SLC15A2: variants seen among roughly 807,000 people sequenced by gnomAD.
SLC15A2 encodes solute carrier family 15 member 2.
A neutral mutation model predicts 95.5 loss-of-function variants in SLC15A2; 77 were observed. That is an observed-to-expected ratio of 0.81 (90% CI 0.67 to 0.97). The LOEUF (loss-of-function observed/expected upper bound fraction) is 0.97, where lower values mean the gene tolerates loss of function less well. Among genes scored for constraint, SLC15A2 ranks in the 50% least tolerant of loss-of-function variants. SLC15A2 has a pLI of 0.00. For missense variants in SLC15A2, 893 were observed against 874.4 expected (o/e 1.02, Z -0.27); for synonymous variants, 306 against 306.9 (o/e 1.00, Z 0.03).
chr3:121,903,164 G>C (rs1012420198), intron 3 of SLC15A2, among the ~76,000 whole-genome samples: 1 of 152,208 alleles, frequency 6.6e-6, no homozygotes, highest in Non-Finnish European at 1.5e-5. Context: ...TTTGAAAAGT[G>C]TCTGTTCATA....
At chr3:121,907,141 C>T (rs944787764) in intron 3 of SLC15A2, among the ~76,000 whole-genome samples, 1 of 152,168 alleles carries the variant, frequency 6.6e-6, no homozygotes, top group African/African-American at 2.4e-5. Context: ...TTGATTGAAT[C>T]AGCTATTGAA....
At chr3:121,901,106 C>T (rs1055543951) in intron 3 of SLC15A2, among the ~76,000 whole-genome samples, 1 of 152,016 alleles carries the variant, frequency 6.6e-6, no homozygotes, top group South Asian at 2.1e-4. Flanking sequence ...GCAACCTCTG[C>T]CTCCCAGGTC....
intron 19 of SLC15A2, among the ~76,000 whole-genome samples, chr3:121,932,209 G>A (rs1158826704): frequency 6.6e-6 from 1 of 152,022 alleles, no homozygotes; most frequent in Non-Finnish European, 1.5e-5. Flanking sequence ...TGGCTCTACA[G>A]TGACTTTAGA....
rs1559848802 is a variant in SLC15A2, at chr3:121,922,768, GC to G, written c.781-4del. The stretch of plus-strand genomic sequence containing the variant: ...GTCTCTCCCATGATGTCTACTCTCT[GC>G]CCTAGTTTGCTATTTCCAATCGTTT... On this transcript the variant is annotated splice_polypyrimidine_tract_variant and splice_region_variant and intron_variant, in intron 8 of 21. Coordinates refer to ENST00000489711, the MANE Select transcript of SLC15A2 (RefSeq NM_021082.4). 1 of 1,610,826 alleles carries G rather than the reference GC, an allele frequency of 6.2e-7. No homozygotes were observed. The highest frequency in any genetic ancestry group is 1.3e-5 in the African/African-American group (1 of 74,966).
At chr3:121,940,009 T>G (rs1247708917) in intron 20 of SLC15A2, among the ~76,000 whole-genome samples, 1 of 152,126 alleles carries the variant, frequency 6.6e-6, no homozygotes, top group African/African-American at 2.4e-5. Flanking sequence ...TTTCACCATG[T>G]TGGCCAGGCT....
rs79639971 is a variant in SLC15A2, at chr3:121,941,083, C to G, written c.*76C>G. The G allele has an allele frequency of 6.0e-6, 8 of 1,336,272 alleles. No individual in the cohort carries two copies. The highest frequency in any genetic ancestry group is 8.3e-6 in the Non-Finnish European group (8 of 966,320). 82.8% of individuals were successfully genotyped at this position (1,336,272 alleles called of 1,614,324 possible). A position where few individuals can be genotyped will look rare whatever the true frequency, so the allele number is the denominator to read the frequency against. ...ATTTTTTTTCTTCTACTGGATTAGA[C>G]AAGAGAGATAGCAGCATATCAGAGC... On this transcript the variant is annotated 3_prime_UTR_variant, in exon 22 of 22. Transcript: ENST00000489711.
At chr3:121,911,886 A>G (rs1215050730) in intron 4 of SLC15A2, among the ~76,000 whole-genome samples, 2 of 152,138 alleles carry the variant, frequency 1.3e-5, no homozygotes, top group Non-Finnish European at 2.9e-5. Flanking sequence ...TCCTCTTCAT[A>G]TGCTTGAAAA....
intron 3 of SLC15A2, among the ~76,000 whole-genome samples, chr3:121,910,778 G>A (rs1044996384): frequency 6.6e-6 from 1 of 152,180 alleles, no homozygotes; most frequent in Non-Finnish European, 1.5e-5. Context: ...AGGAATATAT[G>A]TTGTAGTGCG....
In SLC15A2 at chr3:121,941,593, T is replaced by A. The variant is rs1710465204; in HGVS notation, c.*586T>A. Reference sequence around the variant, plus strand: ...GGTAGGAAGCAGAATGCCATTTTATTAAAACACAGGAGAAGTTATATCTCT... The same window carrying A: ...GGTAGGAAGCAGAATGCCATTTTATAAAAACACAGGAGAAGTTATATCTCT... On this transcript the variant is annotated 3_prime_UTR_variant, in exon 22 of 22. Coordinates refer to ENST00000489711, the MANE Select transcript of SLC15A2 (RefSeq NM_021082.4). The A allele has an allele frequency of 6.6e-6, 1 of 152,358 alleles. No homozygotes were observed. Among genetic ancestry groups the A allele is most frequent in the South Asian group, 2.1e-4 (1 of 4,832 alleles). The allele number at this position is 152,358 out of a possible 1,614,324, so 9.4% of individuals were successfully genotyped here.
intron 19 of SLC15A2, among the ~76,000 whole-genome samples, chr3:121,937,644 G>A (rs1452149218): frequency 2.0e-5 from 3 of 151,950 alleles, no homozygotes; most frequent in Non-Finnish European, 4.4e-5. Context: ...CTCTGTATTG[G>A]TTATTTTAGT....
chr3:121,904,405 G>A (rs1183862960), intron 3 of SLC15A2, among the ~76,000 whole-genome samples: 1 of 152,176 alleles, frequency 6.6e-6, no homozygotes, highest in Non-Finnish European at 1.5e-5. Flanking sequence ...GAAGTGGTGA[G>A]AGAGGGCATC....
intron 7 of SLC15A2, among the ~76,000 whole-genome samples, chr3:121,920,827 A>G (rs909749040): frequency 6.6e-6 from 1 of 152,188 alleles, no homozygotes; most frequent in Admixed American, 6.5e-5. Flanking sequence ...GTGCATTCTG[A>G]TGTGTAAGGA....
Position 121,931,620 on chromosome 3 carries a change from T to C in SLC15A2, c.1665-19T>C, listed in dbSNP as rs1166896443. 3 of 1,539,846 alleles carry C rather than the reference T, an allele frequency of 1.9e-6. No homozygotes were observed. Among genetic ancestry groups the C allele is most frequent in the African/African-American group, 2.7e-5 (2 of 73,570 alleles). On this transcript the variant is annotated intron_variant, in intron 18 of 21. Coordinates refer to ENST00000489711, the MANE Select transcript of SLC15A2 (RefSeq NM_021082.4). ...CCAAGCCTTGATATTTATTCTAACC[T>C]AAATTCATCCTGTTCCAGATACCCT...
At chr3:121,896,990 G>C (rs1709430434) in intron 2 of SLC15A2, among the ~76,000 whole-genome samples, 1 of 149,070 alleles carries the variant, frequency 6.7e-6, no homozygotes, top group Non-Finnish European at 1.5e-5. Context: ...TGAGCTAACA[G>C]CTCTTGGCTA....
chr3:121,922,716 G>A (rs940523371), intron 8 of SLC15A2, 59 bp from the exon 9 acceptor site: 3 of 1,284,182 alleles, frequency 2.3e-6, no homozygotes, highest in Non-Finnish European at 3.3e-6. Flanking sequence ...TAATAAGTTG[G>A]AAAAGGCAGA....
chr3:121,897,064 T>G (rs759324997), intron 2 of SLC15A2, among the ~76,000 whole-genome samples: 17 of 151,010 alleles, frequency 1.1e-4, no homozygotes, highest in Non-Finnish European at 2.5e-4. Flanking sequence ...TATCATCTTG[T>G]TGCTGGGAAG....
At position 121,917,315 on chromosome 3, in the gene SLC15A2, C is replaced by A. The variant is rs903640155; in HGVS notation, c.697+1622C>A. On this transcript the variant is annotated intron_variant, in intron 7 of 21. Coordinates refer to ENST00000489711, the MANE Select transcript of SLC15A2 (RefSeq NM_021082.4). ...AAAGGAATTTACAATATGGTATGAT[C>A]AGTATTTCCCAGATCAATATAGTGT... is the stretch of plus-strand genomic sequence containing the variant. 7.2e-5 allele frequency among the ~76,000 whole-genome samples: 11 copies of A among 152,212 alleles called. No individual in the cohort carries two copies. In the East Asian group the frequency reaches 1.9e-3, roughly 27 times the overall value.
At chr3:121,928,374 T>G (rs1355522964) in intron 14 of SLC15A2, 47 bp from the exon 15 acceptor site, 10 of 1,601,014 alleles carry the variant, frequency 6.2e-6, no homozygotes, top group Admixed American at 1.7e-5. Context: ...CCATTGTATC[T>G]GAAGGATTAT....
intron 17 of SLC15A2, among the ~76,000 whole-genome samples, chr3:121,930,351 T>C (rs1198262875): frequency 6.6e-6 from 1 of 152,236 alleles, no homozygotes; most frequent in Non-Finnish European, 1.5e-5. Context: ...TACTCTGGGC[T>C]GGGAGTCTGA....
Sources: allele counts gnomAD v4.1 joint callset (sites outside exome capture counted in the v4.1 genomes callset), GRCh38; gene constraint gnomAD v4.1.1; transcripts MANE v1.5; gene names NCBI Gene and HGNC (gene_info 2026-07-23, HGNC 2026-07-21).